The following SUDS3 variants were observed in gnomAD, a reference collection of about 807,000 sequenced individuals.
The protein encoded by SUDS3 is SIN3A corepressor complex component SDS3.
In SUDS3, 23 loss-of-function variants were observed where a neutral mutation model predicts 53.5. That is an observed-to-expected ratio of 0.43 (90% CI 0.31 to 0.61). SUDS3 has a LOEUF of 0.61. SUDS3 is among the 20% of genes least tolerant of loss of function. SUDS3 has a pLI of 0.10. For synonymous variants in SUDS3, 150 were observed against 148.5 expected (o/e 1.01, Z -0.08); for missense variants, 291 against 405.9 (o/e 0.72, Z 2.43).
At chr12:118,414,261 A>G (rs978416478) in intron 11 of SUDS3, 74 bp from the exon 12 acceptor site, 2 of 1,100,924 alleles carry the variant, frequency 1.8e-6, no homozygotes, top group Non-Finnish European at 2.6e-6. Flanking sequence ...ACTCGTGCAG[A>G]TATTTTGATG....
intron 6 of SUDS3, among the ~76,000 whole-genome samples, chr12:118,395,554 G>T (rs891862957): frequency 2.0e-5 from 3 of 151,924 alleles, no homozygotes; most frequent in Non-Finnish European, 4.4e-5. Flanking sequence ...GTGCTTGAGG[G>T]TGCAGAGAGG....
At chr12:118,401,891 T>C (rs904162991) in intron 8 of SUDS3, 71 bp downstream of exon 8, 1 of 1,587,418 alleles carries the variant, frequency 6.3e-7, no homozygotes, top group African/African-American at 1.3e-5. Context: ...TTTGTTAACA[T>C]GTTACTTGTT....
chr12:118,403,441 G>A lies in SUDS3; in HGVS notation c.727G>A (p.Ala243Thr), dbSNP rs771978157. ...TCCATCCTCTCCTGAGCACTTGCCT[G>A]CAACACCCGCGGAATCTCCAGCCCA... ...ASPSSPEHLP[A>T]TPAESPAQRF... The change falls in exon 10 of 12, where the codon GCA becomes ACA. Residue 243 changes from alanine (A) to threonine (T), a missense_variant. This residue lies in a region of SUDS3 where 77 missense variants were observed against 87.1 expected (regional missense o/e 0.88). Transcript: ENST00000543473. The A allele has an allele frequency of 1.9e-6, 3 of 1,613,650 alleles. No individual in the cohort carries two copies. In the South Asian group the frequency reaches 3.3e-5, roughly 18 times the overall value.
chr12:118,406,560 A>G (rs544456665), intron 10 of SUDS3, among the ~76,000 whole-genome samples: 1 of 152,284 alleles, frequency 6.6e-6, no homozygotes, highest in East Asian at 1.9e-4. Flanking sequence ...AAGCTTTAAG[A>G]ACTTAATTGT....
chr12:118,380,150 A>G lies in SUDS3; in HGVS notation c.143-12A>G, dbSNP rs762066191. On this transcript the variant is annotated splice_polypyrimidine_tract_variant and intron_variant, in intron 1 of 11. Transcript: ENST00000543473. The stretch of plus-strand genomic sequence containing the variant: ...TGATTTTAACTAGCCCCTATTTCCT[A>G]ACTTTATTCAGACACTGAGGATGCT... 6.2e-7 allele frequency: 1 copy of G among 1,601,056 alleles called. No individual in the cohort carries two copies. The highest frequency in any genetic ancestry group is 8.5e-7 in the Non-Finnish European group (1 of 1,173,040).
intron 6 of SUDS3, among the ~76,000 whole-genome samples, chr12:118,397,465 C>T (rs1398312261): frequency 6.6e-6 from 1 of 152,168 alleles, no homozygotes; most frequent in South Asian, 2.1e-4. Context: ...CTAGACCAAC[C>T]TGGCGTTGGA....
chr12:118,381,968 TCA>T (rs1416088632), intron 2 of SUDS3, among the ~76,000 whole-genome samples: 2 of 152,222 alleles, frequency 1.3e-5, no homozygotes, highest in African/African-American at 4.8e-5. Flanking sequence ...CTCTGGATTC[TCA>T]CATTGTTTTT....
intron 6 of SUDS3, among the ~76,000 whole-genome samples, chr12:118,396,564 A>AT (rs1423445277): frequency 1.3e-5 from 2 of 152,236 alleles, no homozygotes; most frequent in African/African-American, 4.8e-5. Context: ...CTTATATCCC[A>AT]TTTTTTAAGG....
At chr12:118,408,588 C>T (rs1343871189) in intron 10 of SUDS3, among the ~76,000 whole-genome samples, 1 of 152,196 alleles carries the variant, frequency 6.6e-6, no homozygotes. Context: ...CCCACCTCGG[C>T]CTCCCGCAGT....
Position 118,416,689 on chromosome 12 carries a change from G to C in SUDS3, c.*2256G>C, listed in dbSNP as rs1418862379. On this transcript the variant is annotated 3_prime_UTR_variant, in exon 12 of 12. Transcript: ENST00000543473. ...AAAATCAGCAGTTGAAGCCTGACAG[G>C]CCTCAGTGGTGACCAGGAACAGAAG... is the stretch of plus-strand genomic sequence containing the variant. The C allele has an allele frequency of 6.6e-6, 1 of 152,168 alleles. No homozygotes were observed. Among genetic ancestry groups the C allele is most frequent in the African/African-American group, 2.4e-5 (1 of 41,450 alleles). 9.4% of individuals were successfully genotyped at this position (152,168 alleles called of 1,614,324 possible).
chr12:118,378,945 G>T (rs1170344695), intron 1 of SUDS3, among the ~76,000 whole-genome samples: 2 of 151,942 alleles, frequency 1.3e-5, no homozygotes, highest in African/African-American at 4.8e-5. Context: ...AAAGTGCTGG[G>T]ATTACAGGCG....
At chr12:118,411,718 G>A (rs2046361526) in intron 11 of SUDS3, among the ~76,000 whole-genome samples, 1 of 151,894 alleles carries the variant, frequency 6.6e-6, no homozygotes, top group Admixed American at 6.6e-5. Context: ...GGTCAGGCTG[G>A]TCTTGAACTC....
At chr12:118,382,079 A>G (rs905791738) in intron 2 of SUDS3, among the ~76,000 whole-genome samples, 1 of 150,944 alleles carries the variant, frequency 6.6e-6, no homozygotes, top group African/African-American at 2.4e-5. Context: ...TCACTCTGTC[A>G]CCCAGGCTGG....
At chr12:118,397,745 C>T (rs182123899) in intron 6 of SUDS3, among the ~76,000 whole-genome samples, 12 of 150,312 alleles carry the variant, frequency 8.0e-5, no homozygotes, top group Non-Finnish European at 1.5e-5. Context: ...TTTACCATTT[C>T]ATAAGAATTT....
Position 118,401,813 on chromosome 12 carries a change from T to G in SUDS3, c.668T>G (p.Leu223Ter). The change falls in exon 8 of 12, where the codon TTA becomes TGA. Residue 223 changes from leucine to a stop codon, truncating the protein, a stop_gained. Transcript: ENST00000543473. LOFTEE classifies it high-confidence loss of function. ...DEQIMEDLRTLNKLKSPKRPA... is the reference protein window; with the variant it reads ...DEQIMEDLRT ...CAGATCATGGAGGATCTGAGAACATTAAATAAGGTACGGTTTGACTTTTTT... is the reference window on the plus strand; with the variant it reads ...CAGATCATGGAGGATCTGAGAACATGAAATAAGGTACGGTTTGACTTTTTT... 6.2e-7 allele frequency: 1 copy of G among 1,613,862 alleles called. No individual in the cohort carries two copies. Among genetic ancestry groups the G allele is most frequent in the South Asian group, 1.1e-5 (1 of 91,070 alleles).
At chr12:118,389,815 C>A in intron 4 of SUDS3, 112 bp from the exon 5 acceptor site, 1 of 1,302,350 alleles carries the variant, frequency 7.7e-7, no homozygotes, top group Non-Finnish European at 1.1e-6. Context: ...AAAACATTTG[C>A]TTTGTAACAT....
intron 2 of SUDS3, among the ~76,000 whole-genome samples, chr12:118,381,960 C>T (rs2046067148): frequency 2.6e-5 from 4 of 152,188 alleles, no homozygotes; most frequent in Admixed American, 2.6e-4. Flanking sequence ...TGGCCATCCT[C>T]TGGATTCTCA....
chr12:118,385,300 G>C (rs1056331662), intron 3 of SUDS3, among the ~76,000 whole-genome samples: 9 of 152,092 alleles, frequency 5.9e-5, no homozygotes, highest in African/African-American at 1.9e-4. Flanking sequence ...ATAGAAACGG[G>C]GTTTCACCAC....
intron 6 of SUDS3, among the ~76,000 whole-genome samples, 154 bp from the exon 7 acceptor site, chr12:118,400,505 A>T (rs2046254372): frequency 1.3e-5 from 2 of 152,134 alleles, no homozygotes; most frequent in Admixed American, 1.3e-4. Flanking sequence ...CTAAAATCTA[A>T]TGGGGTGTCT....
Sources: gnomAD v4.1 joint callset for allele counts (sites outside exome capture counted in the v4.1 genomes callset) on GRCh38, gnomAD v4.1.1 for gene constraint, gnomAD v4.1.1 regional missense constraint, MANE v1.5 for transcripts, NCBI Gene and HGNC (gene_info 2026-07-23, HGNC 2026-07-21) for gene names.